The following SKIC3 variants were observed in gnomAD, a reference collection of about 807,000 sequenced individuals.
SKIC3 encodes the protein SKI3 subunit of superkiller complex, also known as superkiller complex protein 3.
At chr5:95,509,828 T>A in the SKIC3 span, 1 of 654,748 alleles carries the variant, frequency 1.5e-6, no homozygotes, top group South Asian at 1.7e-5. Flanking sequence ...CCTGATTTTA[T>A]CTTGAATATA....
the SKIC3 span, among the ~76,000 whole-genome samples, chr5:95,548,032 T>C: frequency 6.6e-6 from 1 of 152,114 alleles, no homozygotes; most frequent in Non-Finnish European, 1.5e-5. Context: ...AAAGTATTTC[T>C]TCATTTAGTC....
the SKIC3 span, chr5:95,482,669 G>A: frequency 6.2e-7 from 1 of 1,608,416 alleles, no homozygotes; most frequent in Non-Finnish European, 8.5e-7. Context: ...CATCAAATAG[G>A]TTCTTAAGTG....
the SKIC3 span, among the ~76,000 whole-genome samples, chr5:95,490,361 A>G: frequency 2.1e-4 from 31 of 150,156 alleles, no homozygotes; most frequent in African/African-American, 7.1e-4. Flanking sequence ...TGCTTATCAC[A>G]CTTCTGTACA....
the SKIC3 span, chr5:95,513,481 C>T: frequency 8.1e-5 from 113 of 1,397,356 alleles, no homozygotes; most frequent in Non-Finnish European, 1.1e-4. Context: ...GCATAAGCCA[C>T]TATGCCTAGC....
the SKIC3 span, among the ~76,000 whole-genome samples, chr5:95,525,940 A>C: frequency 6.6e-6 from 1 of 152,140 alleles, no homozygotes. Context: ...ACTCACAAGC[A>C]ATCATTTTTT....
At chr5:95,529,267 A>AT in the SKIC3 span, 1 of 701,318 alleles carries the variant, frequency 1.4e-6, no homozygotes, top group Admixed American at 2.1e-5. Context: ...CCCACCATAC[A>AT]TTTTTCTCCA....
chr5:95,486,261 G>A, the SKIC3 span, among the ~76,000 whole-genome samples: 4 of 152,222 alleles, frequency 2.6e-5, no homozygotes, highest in Middle Eastern at 3.4e-3. Context: ...CCTGCCCACA[G>A]CCACTGCTGC....
At chr5:95,503,856 A>G in the SKIC3 span, 13 of 1,613,988 alleles carry the variant, frequency 8.1e-6, no homozygotes, top group African/African-American at 1.3e-4. Flanking sequence ...AATAAAGCCA[A>G]TGCAAAACCT....
At chr5:95,528,254 T>C in the SKIC3 span, 2 of 1,425,764 alleles carry the variant, frequency 1.4e-6, no homozygotes, top group Non-Finnish European at 9.8e-7. Context: ...ACAATAAGCA[T>C]AAATTTCCAA....
chr5:95,523,774 C>A, the SKIC3 span: 170 of 1,613,604 alleles, frequency 1.1e-4, 2 homozygotes, highest in Admixed American at 2.8e-3. Flanking sequence ...CCCACTACGT[C>A]TCTATAATAA....
chr5:95,532,867 G>C, the SKIC3 span, among the ~76,000 whole-genome samples: 6 of 152,028 alleles, frequency 3.9e-5, no homozygotes, highest in Non-Finnish European at 5.9e-5. Context: ...GTTTCTTAAA[G>C]TTTACTACAA....
the SKIC3 span, among the ~76,000 whole-genome samples, chr5:95,486,707 C>T: frequency 6.6e-6 from 1 of 152,192 alleles, no homozygotes; most frequent in African/African-American, 2.4e-5. Flanking sequence ...TGAGGTTGGG[C>T]CCATCCAATC....
the SKIC3 span, among the ~76,000 whole-genome samples, chr5:95,515,980 G>A: frequency 6.6e-6 from 1 of 152,064 alleles, no homozygotes; most frequent in Admixed American, 6.6e-5. Flanking sequence ...TAAGCTGCTA[G>A]AGAGTACTAA....
the SKIC3 span, chr5:95,464,063 T>C: frequency 0.24 from 37,048 of 154,942 alleles, 5,773 homozygotes; most frequent in African/African-American, 0.44. Context: ...TCTAGTCTCA[T>C]CAACATTTAT....
the SKIC3 span, among the ~76,000 whole-genome samples, chr5:95,546,706 T>C: frequency 6.6e-6 from 1 of 152,196 alleles, no homozygotes; most frequent in Non-Finnish European, 1.5e-5. Flanking sequence ...ATAAGCTTTA[T>C]AATCTTGGTC....
the SKIC3 span, among the ~76,000 whole-genome samples, chr5:95,483,135 C>T: frequency 5.9e-5 from 9 of 152,062 alleles, no homozygotes; most frequent in Non-Finnish European, 1.2e-4. Context: ...GACCTATTTT[C>T]CCCATTTCCT....
At chr5:95,520,607 A>C in the SKIC3 span, 7 of 830,564 alleles carry the variant, frequency 8.4e-6, no homozygotes, top group Non-Finnish European at 1.3e-5. Context: ...TTTATGTTTG[A>C]CATTCTGAGC....
At chr5:95,520,972 A>C in the SKIC3 span, among the ~76,000 whole-genome samples, 13 of 152,094 alleles carry the variant, frequency 8.5e-5, no homozygotes, top group African/African-American at 2.7e-4. Context: ...ATGATCCTAC[A>C]TTCACTCAAT....
chr5:95,491,099 C>G, the SKIC3 span: 2 of 1,596,866 alleles, frequency 1.3e-6, no homozygotes, highest in Non-Finnish European at 1.7e-6. Context: ...TAAAAACTAT[C>G]AAAAATGAGA....
Sources: gnomAD v4.1 joint callset for allele counts (sites outside exome capture counted in the v4.1 genomes callset) on GRCh38, gnomAD v4.1.1 for gene constraint, MANE v1.5 for transcripts, NCBI Gene and HGNC (gene_info 2026-07-23, HGNC 2026-07-21) for gene names.